Variants in ZBBX observed in about 807,000 individuals in gnomAD.
ZBBX encodes zinc finger B-box domain containing.
ZBBX carries 101 observed loss-of-function variants against 108.5 expected under a neutral mutation model. The observed-to-expected ratio is 0.93, with a 90% CI of 0.79 to 1.10. The LOEUF (loss-of-function observed/expected upper bound fraction) is 1.10, where lower values mean the gene tolerates loss of function less well. ZBBX is among the 50% of genes least tolerant of loss of function. The pLI, the probability that ZBBX is intolerant of heterozygous loss-of-function variation, is 0.00. For missense variants in ZBBX, 1,009 were observed against 941.4 expected, an observed-to-expected ratio of 1.07 and a Z score of -0.94; for synonymous variants, 356 against 323.4, an observed-to-expected ratio of 1.10 and a Z score of -1.08.
At chr3:167,203,247 T>G in the ZBBX span, among the ~76,000 whole-genome samples, 1 of 152,130 alleles carries the variant, frequency 6.6e-6, no homozygotes. Context: ...CTCGTCTGTG[T>G]GCATTCACCC....
chr3:167,183,423 G>A, the ZBBX span, among the ~76,000 whole-genome samples: 3 of 152,154 alleles, frequency 2.0e-5, no homozygotes, highest in Non-Finnish European at 2.9e-5. Context: ...GGCACCACTT[G>A]CCAAGACCAG....
chr3:167,323,547 A>T (rs1736843903), intron 11 of ZBBX, among the ~76,000 whole-genome samples: 1 of 152,088 alleles, frequency 6.6e-6, no homozygotes, highest in Non-Finnish European at 1.5e-5. Context: ...CTTGTTTAGA[A>T]TTGCTTGTCG....
At chr3:167,402,214 C>T (rs6763755) in intron 1 of ZBBX, among the ~76,000 whole-genome samples, 7 of 152,170 alleles carry the variant, frequency 4.6e-5, no homozygotes, top group Admixed American at 1.3e-4. Context: ...GATAAGCAGA[C>T]AGAAATCATT....
chr3:167,395,903 T>A (rs1409320807), intron 1 of ZBBX, among the ~76,000 whole-genome samples: 2 of 152,004 alleles, frequency 1.3e-5, no homozygotes, highest in Non-Finnish European at 2.9e-5. Flanking sequence ...GCATGACATA[T>A]ATGGAACCTT....
chr3:167,389,816 T>TG (rs893227977), intron 1 of ZBBX, among the ~76,000 whole-genome samples: 1 of 114,602 alleles, frequency 8.7e-6, no homozygotes, highest in African/African-American at 4.2e-5. Context: ...CACTTTTTGA[T>TG]GTTTTTTTTT....
chr3:167,328,164 A>G (rs1235722464), intron 10 of ZBBX, 48 bp from the exon 11 acceptor site: 2 of 1,543,278 alleles, frequency 1.3e-6, no homozygotes, highest in African/African-American at 2.8e-5. Flanking sequence ...TTCTGTATTT[A>G]CCCACAAAAA....
the ZBBX span, among the ~76,000 whole-genome samples, chr3:167,205,613 G>T: frequency 5.3e-5 from 8 of 152,114 alleles, no homozygotes; most frequent in Admixed American, 3.3e-4. Flanking sequence ...AAGCACTTTA[G>T]ATAGTTTTAC....
At chr3:167,226,906 T>C in the ZBBX span, among the ~76,000 whole-genome samples, 1,049 of 151,824 alleles carry the variant, frequency 6.9e-3, 6 homozygotes, top group African/African-American at 0.024. Context: ...CTAATAATGT[T>C]ACAGGTGGAA....
chr3:167,268,423 T>C (rs1427247774), intron 20 of ZBBX, among the ~76,000 whole-genome samples: 1 of 151,838 alleles, frequency 6.6e-6, no homozygotes, highest in African/African-American at 2.4e-5. Flanking sequence ...ATCAAAAGCT[T>C]CCTGGCCAAG....
chr3:167,284,407 C>T (rs1013005471), intron 19 of ZBBX, among the ~76,000 whole-genome samples: 15 of 152,014 alleles, frequency 9.9e-5, no homozygotes, highest in African/African-American at 3.1e-4. Flanking sequence ...AAAAGTTCTA[C>T]TCTATGGGGT....
rs755517464 is a variant in ZBBX, at chr3:167,298,358, A to G, written c.1826T>C (p.Leu609Pro). Residue 609 changes from leucine to proline, a missense_variant, in exon 18 of 22, where the codon CTT (leucine) becomes CCT (proline). Coordinates refer to ENST00000675490, the MANE Select transcript of ZBBX (RefSeq NM_001199201.2). ...IFDTNERLNLLPSHRLECNNS... is the reference protein window; with the variant it reads ...IFDTNERLNLPPSHRLECNNS... Reference sequence around the variant, plus strand: ...GTTGCATTCTAAACGATGAGAAGGAAGTAAGTTGAGTCTTTCATTTGTATC... The same window carrying G: ...GTTGCATTCTAAACGATGAGAAGGAGGTAAGTTGAGTCTTTCATTTGTATC... 1 of 1,601,630 alleles carries G rather than the reference A, an allele frequency of 6.2e-7. No homozygotes were observed. The highest frequency in any genetic ancestry group is 8.5e-7 in the Non-Finnish European group (1 of 1,173,420).
At chr3:167,361,696 T>G (rs1744530927) in intron 6 of ZBBX, among the ~76,000 whole-genome samples, 1 of 152,202 alleles carries the variant, frequency 6.6e-6, no homozygotes. Context: ...AAAATAAGAT[T>G]GAAATCATCA....
intron 20 of ZBBX, among the ~76,000 whole-genome samples, chr3:167,250,966 G>C (rs1037193212): frequency 6.6e-6 from 1 of 152,180 alleles, no homozygotes; most frequent in South Asian, 2.1e-4. Context: ...GTCAAGAGCA[G>C]TACATCAGCG....
downstream of ZBBX, among the ~76,000 whole-genome samples, chr3:167,235,914 C>T (rs1279979635): frequency 6.6e-6 from 1 of 151,632 alleles, no homozygotes; most frequent in East Asian, 1.9e-4. Context: ...AGGGGATAAA[C>T]TACAGGCACA....
upstream of ZBBX, among the ~76,000 whole-genome samples, chr3:167,383,450 T>C (rs1747810562): frequency 6.6e-6 from 1 of 152,078 alleles, no homozygotes; most frequent in Non-Finnish European, 1.5e-5. Flanking sequence ...AAAACCAAAT[T>C]AGTATGATAT....
At chr3:167,178,441 G>A in the ZBBX span, among the ~76,000 whole-genome samples, 93 of 152,180 alleles carry the variant, frequency 6.1e-4, 1 homozygote, top group African/African-American at 1.7e-3. Flanking sequence ...GTTTTCTTCC[G>A]CCATCTGTGA....
chr3:167,399,957 T>C (rs574481169), intron 1 of ZBBX, among the ~76,000 whole-genome samples: 27 of 152,254 alleles, frequency 1.8e-4, no homozygotes, highest in Non-Finnish European at 3.8e-4. Context: ...GAATATTCAG[T>C]ATTTGGTTTT....
intron 8 of ZBBX, among the ~76,000 whole-genome samples, chr3:167,352,989 A>G (rs1162843501): frequency 6.6e-6 from 1 of 152,176 alleles, no homozygotes; most frequent in Non-Finnish European, 1.5e-5. Context: ...AATAAAAGTC[A>G]TAAGACAACA....
rs1728913769 is a variant in ZBBX, at chr3:167,282,153, T to C, written c.2254+85A>G. 13 of 1,381,834 alleles carry C rather than the reference T, an allele frequency of 9.4e-6. No individual in the cohort carries two copies. In the Admixed American group the frequency reaches 1.2e-4, roughly 12 times the overall value. 85.6% of individuals were successfully genotyped at this position (1,381,834 alleles called of 1,614,324 possible). ...AGGAAAGCTTTCTTGTTTGCTGGCT[T>C]GTTTTGTTAGCGCAAGATATGAAGA... On this transcript the variant is annotated intron_variant, in intron 20 of 21. Transcript: ENST00000675490.
Sources: allele counts gnomAD v4.1 joint callset (sites outside exome capture counted in the v4.1 genomes callset), GRCh38; gene constraint gnomAD v4.1.1; transcripts MANE v1.5; gene names NCBI Gene and HGNC (gene_info 2026-07-23, HGNC 2026-07-21).